TRDMT1: variants seen among roughly 807,000 people sequenced by gnomAD.
TRDMT1 encodes tRNA (cytosine(38)-C(5))-methyltransferase.
In TRDMT1, 49 loss-of-function variants were observed where a neutral mutation model predicts 51.2. The observed-to-expected ratio is 0.96, with a 90% CI of 0.76 to 1.21. The LOEUF (loss-of-function observed/expected upper bound fraction) is 1.21, where lower values mean the gene tolerates loss of function less well. Ranked by LOEUF, TRDMT1 falls within the 50% of genes most tolerant of loss-of-function variation. The probability of loss-of-function intolerance (pLI) is 0.00; values close to 1 mark genes in which losing one functional copy is unlikely to be tolerated. For synonymous variants in TRDMT1, 187 were observed against 164.6 expected, an observed-to-expected ratio of 1.14 and a Z score of -1.04; for missense variants, 534 against 462.3, an observed-to-expected ratio of 1.16 and a Z score of -1.42.
At chr10:17,168,518 C>T (rs1159511451) in intron 3 of TRDMT1, among the ~76,000 whole-genome samples, 1 of 152,064 alleles carries the variant, frequency 6.6e-6, no homozygotes, top group Non-Finnish European at 1.5e-5. Context: ...CTTGAATTTC[C>T]ACGTGTTGTG....
Position 17,201,652 on chromosome 10 carries a change from C to G in TRDMT1, c.-18G>C. ...GGCTCCATCCCCGCGCCTCAGCCGC[C>G]GCAGCCCCGGAGCTAGGCCTGCCGG... On this transcript the variant is annotated 5_prime_UTR_variant, in exon 1 of 11. Coordinates refer to ENST00000377799, the MANE Select transcript of TRDMT1 (RefSeq NM_004412.7). 6.5e-7 allele frequency: 1 copy of G among 1,539,138 alleles called. No homozygotes were observed. Among genetic ancestry groups the G allele is most frequent in the Non-Finnish European group, 8.7e-7 (1 of 1,143,452 alleles).
chr10:17,188,141 T>C (rs2131589941), intron 1 of TRDMT1, among the ~76,000 whole-genome samples: 1 of 151,018 alleles, frequency 6.6e-6, no homozygotes, highest in Admixed American at 6.6e-5. Flanking sequence ...GGTGTTAACA[T>C]GGGAAGGGAA....
chr10:17,169,316 A>G (rs1841647355), intron 2 of TRDMT1: 1 of 1,185,930 alleles, frequency 8.4e-7, no homozygotes, highest in Non-Finnish European at 1.1e-6. Flanking sequence ...CTACCTGTCA[A>G]TAATGTTCTT....
intron 1 of TRDMT1, among the ~76,000 whole-genome samples, chr10:17,197,753 C>G (rs1379064708): frequency 6.6e-6 from 1 of 152,190 alleles, no homozygotes; most frequent in African/African-American, 2.4e-5. Context: ...CCCTCAACAA[C>G]CCGGCACAGT....
chr10:17,201,456 T>A, intron 1 of TRDMT1, 115 bp downstream of exon 1: 1 of 1,149,620 alleles, frequency 8.7e-7, no homozygotes, highest in Non-Finnish European at 1.2e-6. Context: ...CGCCCCACAG[T>A]GTCCGCCCCA....
chr10:17,178,026 C>G (rs188629797), intron 1 of TRDMT1, among the ~76,000 whole-genome samples: 81 of 152,112 alleles, frequency 5.3e-4, no homozygotes, highest in African/African-American at 1.7e-3. Flanking sequence ...TTGAGGAGGA[C>G]CTTGAGAAAG....
chr10:17,149,240 A>G lies in TRDMT1; in HGVS notation c.1076-100T>C, dbSNP rs913088711. On this transcript the variant is annotated intron_variant, in intron 10 of 10. Coordinates refer to ENST00000377799, the MANE Select transcript of TRDMT1 (RefSeq NM_004412.7). ...GTAAGGGCACAGCGGTCATTTCATA[A>G]GTAAATCACTAAGGTCTCCATGAAG... is the stretch of plus-strand genomic sequence containing the variant. 23 of 864,314 alleles carry G rather than the reference A, an allele frequency of 2.7e-5. No homozygotes were observed. In the Middle Eastern group the frequency reaches 1.0e-3, roughly 39 times the overall value. 53.5% of individuals were successfully genotyped at this position (864,314 alleles called of 1,614,324 possible). A position where few individuals can be genotyped will look rare whatever the true frequency, so the allele number is the denominator to read the frequency against.
chr10:17,159,577 CTATT>C (rs1201167461), intron 6 of TRDMT1, among the ~76,000 whole-genome samples: 3 of 152,098 alleles, frequency 2.0e-5, no homozygotes, highest in South Asian at 2.1e-4. Context: ...CTATTCTTGG[CTATT>C]TATTACCTCA....
Position 17,141,903 on chromosome 10 carries a change from T to G in TRDMT1, c.*7137A>C, listed in dbSNP as rs1010929580. Among the ~76,000 whole-genome samples, 7 of 152,256 alleles carry G rather than the reference T, an allele frequency of 4.6e-5. No homozygotes were observed. Among genetic ancestry groups the G allele is most frequent in the African/African-American group, 1.7e-4 (7 of 41,472 alleles). Reference sequence around the variant, plus strand: ...AACAGACAAAATGTCCAGGATCTAATCAAATTATCTGTTACCACAGAATGT... The same window carrying G: ...AACAGACAAAATGTCCAGGATCTAAGCAAATTATCTGTTACCACAGAATGT... On this transcript the variant is annotated 3_prime_UTR_variant, in exon 11 of 11. Transcript: ENST00000377799.
At position 17,141,115 on chromosome 10, in the gene TRDMT1, G is replaced by A. The variant is rs779060878; in HGVS notation, c.*7925C>T. Among the ~76,000 whole-genome samples the A allele has an allele frequency of 1.6e-4, 25 of 152,208 alleles. No homozygotes were observed. The highest frequency in any genetic ancestry group is 3.5e-4 in the Non-Finnish European group (24 of 68,042). On this transcript the variant is annotated 3_prime_UTR_variant, in exon 11 of 11. Transcript: ENST00000377799. ...TGAGACATCTACTGTCATCCAAATT[G>A]TGTCCCCCGCCCCATGGCAACGTGT...
intron 1 of TRDMT1, among the ~76,000 whole-genome samples, chr10:17,194,893 A>G (rs945682788): frequency 2.2e-4 from 30 of 137,218 alleles, no homozygotes; most frequent in African/African-American, 8.1e-4. Flanking sequence ...AGATTGCACC[A>G]CTGCACTCCA....
intron 2 of TRDMT1, among the ~76,000 whole-genome samples, chr10:17,173,730 T>C (rs1436048380): frequency 6.6e-6 from 1 of 152,034 alleles, no homozygotes; most frequent in Non-Finnish European, 1.5e-5. Flanking sequence ...GAAATTTGTT[T>C]GTAAAATTTT....
intron 3 of TRDMT1, among the ~76,000 whole-genome samples, chr10:17,163,701 C>T (rs1588553932): frequency 6.6e-6 from 1 of 152,130 alleles, no homozygotes; most frequent in Admixed American, 6.5e-5. Context: ...ACCGACCCCA[C>T]AGAAATACAA....
chr10:17,144,480 G>A lies in TRDMT1; in HGVS notation c.*4560C>T, dbSNP rs898899112. On this transcript the variant is annotated 3_prime_UTR_variant, in exon 11 of 11. Transcript: ENST00000377799. ...ATATTTATAGGAAAAATGAGATTTTGGAAGCTTTAGGAGTCAAGTGTGGTG... is the reference window on the plus strand; with the variant it reads ...ATATTTATAGGAAAAATGAGATTTTAGAAGCTTTAGGAGTCAAGTGTGGTG... 1 of 985,568 alleles carries A rather than the reference G, an allele frequency of 1.0e-6. No homozygotes were observed. Among genetic ancestry groups the A allele is most frequent in the African/African-American group, 1.7e-5 (1 of 57,190 alleles). 61.1% of individuals were successfully genotyped at this position (985,568 alleles called of 1,614,324 possible). A position where few individuals can be genotyped will look rare whatever the true frequency, so the allele number is the denominator to read the frequency against.
intron 1 of TRDMT1, among the ~76,000 whole-genome samples, chr10:17,190,570 TAAATA>T (rs1324796943): frequency 6.6e-6 from 1 of 152,202 alleles, no homozygotes; most frequent in African/African-American, 2.4e-5. Flanking sequence ...TAAAATGTTT[TAAATA>T]AAAAGAACAA....
At position 17,138,185 on chromosome 10, in the gene TRDMT1, C is replaced by T. The variant is rs1368110836; in HGVS notation, c.*10855G>A. 6.6e-6 allele frequency among the ~76,000 whole-genome samples: 1 copy of T among 152,116 alleles called. No individual in the cohort carries two copies. The highest frequency in any genetic ancestry group is 1.5e-5 in the Non-Finnish European group (1 of 68,026). On this transcript the variant is annotated 3_prime_UTR_variant, in exon 11 of 11. Transcript: ENST00000377799. ...TTATAGCTTCAATCTGGCTTTTGTG[C>T]TTTTTTTAGTCCCTTTTCATTTTCA... is the stretch of plus-strand genomic sequence containing the variant.
At chr10:17,154,578 G>A (rs2131389993) in intron 9 of TRDMT1, 99 bp downstream of exon 9, 1 of 690,056 alleles carries the variant, frequency 1.4e-6, no homozygotes, top group African/African-American at 1.9e-5. Context: ...ATATATTCAT[G>A]GCCAGTTGAA....
intron 3 of TRDMT1, among the ~76,000 whole-genome samples, chr10:17,165,320 T>C (rs1841032589): frequency 2.6e-5 from 4 of 152,226 alleles, no homozygotes; most frequent in Non-Finnish European, 5.9e-5. Flanking sequence ...TAGCCATATG[T>C]AGAAAGCTGA....
intron 1 of TRDMT1, among the ~76,000 whole-genome samples, chr10:17,182,598 GA>G (rs1237159589): frequency 1.3e-5 from 2 of 152,268 alleles, no homozygotes; most frequent in South Asian, 4.1e-4. Context: ...CTAAATTGAA[GA>G]AAGAAGGTCA....
Sources: gnomAD v4.1 joint callset for allele counts (sites outside exome capture counted in the v4.1 genomes callset) on GRCh38, gnomAD v4.1.1 for gene constraint, MANE v1.5 for transcripts, NCBI Gene and HGNC (gene_info 2026-07-23, HGNC 2026-07-21) for gene names.